DCC: variants seen among roughly 807,000 people sequenced by gnomAD.
The protein encoded by DCC is DCC netrin 1 receptor, also known as netrin receptor DCC.
A neutral mutation model predicts 172.5 loss-of-function variants in DCC; 58 were observed. The ratio of observed to expected loss-of-function variants is 0.34; its 90% CI spans 0.27 to 0.42. DCC has a LOEUF of 0.42. Ranked by LOEUF, DCC falls within the 10% of genes least tolerant of loss-of-function variation. The probability of loss-of-function intolerance (pLI) is 1.00; values close to 1 mark genes in which losing one functional copy is unlikely to be tolerated. For missense variants in DCC, 1,740 were observed against 1,791.0 expected, an observed-to-expected ratio of 0.97 and a Z score of 0.51; for synonymous variants, 709 against 644.5, an observed-to-expected ratio of 1.10 and a Z score of -1.52.
At chr18:53,321,988 A>C in intron 13 of DCC, 59 bp from the exon 14 acceptor site, 1 of 912,654 alleles carries the variant, frequency 1.1e-6, no homozygotes, top group Non-Finnish European at 1.9e-6. Context: ...TTGGAAACCC[A>C]GGTAGGAATA....
intron 7 of DCC, among the ~76,000 whole-genome samples, chr18:53,140,881 A>G (rs2043819692): frequency 6.6e-6 from 1 of 152,162 alleles, no homozygotes; most frequent in Non-Finnish European, 1.5e-5. Context: ...AAATTGTAGT[A>G]TCCTTCACCC....
At chr18:53,322,822 G>A (rs1472870982) in intron 14 of DCC, among the ~76,000 whole-genome samples, 1 of 151,714 alleles carries the variant, frequency 6.6e-6, no homozygotes, top group Non-Finnish European at 1.5e-5. Context: ...AATGGGTAAT[G>A]AAGTGACAGA....
intron 1 of DCC, among the ~76,000 whole-genome samples, chr18:52,621,654 C>G (rs2034482693): frequency 1.3e-5 from 2 of 152,180 alleles, no homozygotes; most frequent in Admixed American, 6.5e-5. Flanking sequence ...AGGACACTCA[C>G]TGTAGCACAC....
intron 1 of DCC, among the ~76,000 whole-genome samples, chr18:52,710,966 G>A (rs549272710): frequency 1.3e-5 from 2 of 152,296 alleles, no homozygotes; most frequent in Admixed American, 1.3e-4. Context: ...ACAGAGGAGA[G>A]AGTTGGTCTC....
intron 7 of DCC, among the ~76,000 whole-genome samples, chr18:53,091,045 T>C (rs866535252): frequency 6.6e-6 from 1 of 152,004 alleles, no homozygotes; most frequent in Non-Finnish European, 1.5e-5. Context: ...GCTGAACCAG[T>C]AATCGATTTC....
intron 22 of DCC, among the ~76,000 whole-genome samples, chr18:53,445,470 T>C (rs1912540741): frequency 6.6e-6 from 1 of 152,214 alleles, no homozygotes; most frequent in Non-Finnish European, 1.5e-5. Context: ...ATTACAGCCA[T>C]TGTGCCAAGG....
intron 7 of DCC, among the ~76,000 whole-genome samples, chr18:53,086,022 C>CTTATTATTATTATTATTATTAT (rs1568294253): frequency 1.2e-3 from 1 of 866 alleles, no homozygotes; most frequent in Non-Finnish European, 2.5e-3. Flanking sequence ...CCTTCTCCCT[C>CTTATTATTATTATTATTATTAT]TCCCTCTCCC....
Position 52,617,265 on chromosome 18 carries a change from G to T in DCC, c.92-134789G>T, listed in dbSNP as rs571381633. 2.4e-4 allele frequency among the ~76,000 whole-genome samples: 37 copies of T among 152,198 alleles called. No individual in the cohort carries two copies. In the South Asian group the frequency reaches 6.4e-3, roughly 26 times the overall value. On this transcript the variant is annotated intron_variant, in intron 1 of 28. Transcript: ENST00000442544. ...TTAAAAACAAAATAAAACTTAAAAG[G>T]CAGGGGGATGGGCAAAGAGATAGAG...
chr18:52,470,601 A>T (rs1356652320), intron 1 of DCC, among the ~76,000 whole-genome samples: 1 of 152,094 alleles, frequency 6.6e-6, no homozygotes, highest in Non-Finnish European at 1.5e-5. Flanking sequence ...ATTTTATTTG[A>T]GGGGTTTCTA....
chr18:53,276,741 C>T (rs1194364974), intron 12 of DCC, among the ~76,000 whole-genome samples: 1 of 151,986 alleles, frequency 6.6e-6, no homozygotes, highest in Non-Finnish European at 1.5e-5. Context: ...GAAGAAAGAG[C>T]CAAAATTGAC....
intron 1 of DCC, among the ~76,000 whole-genome samples, chr18:52,578,422 T>C (rs1481310973): frequency 2.0e-5 from 3 of 152,226 alleles, no homozygotes; most frequent in Non-Finnish European, 2.9e-5. Context: ...GATGATACAT[T>C]TTATGGATTT....
At chr18:53,025,772 G>C (rs991829721) in intron 5 of DCC, among the ~76,000 whole-genome samples, 1 of 146,746 alleles carries the variant, frequency 6.8e-6, no homozygotes, top group African/African-American at 2.5e-5. Flanking sequence ...GAGAATGGCA[G>C]ATTTAATGGG....
intron 13 of DCC, among the ~76,000 whole-genome samples, chr18:53,311,625 T>A (rs1187588271): frequency 6.6e-6 from 1 of 152,222 alleles, no homozygotes; most frequent in Non-Finnish European, 1.5e-5. Context: ...AAAAGATAAT[T>A]AACATTAAAA....
chr18:52,996,219 C>T (rs2145631100), intron 5 of DCC, among the ~76,000 whole-genome samples: 1 of 151,870 alleles, frequency 6.6e-6, no homozygotes, highest in South Asian at 2.1e-4. Flanking sequence ...TATTTTAAAT[C>T]TTCACTTTAA....
intron 20 of DCC, among the ~76,000 whole-genome samples, chr18:53,410,908 G>T (rs1909943924): frequency 6.6e-6 from 1 of 151,946 alleles, no homozygotes; most frequent in South Asian, 2.1e-4. Flanking sequence ...CATGTATATT[G>T]GTTCTATTCA....
chr18:53,343,598 A>G (rs1416138687), intron 15 of DCC, among the ~76,000 whole-genome samples: 1 of 151,838 alleles, frequency 6.6e-6, no homozygotes, highest in African/African-American at 2.4e-5. Flanking sequence ...AGTAGGTTAT[A>G]TATTTGTCTA....
intron 12 of DCC, among the ~76,000 whole-genome samples, chr18:53,217,463 C>T (rs1007401713): frequency 4.6e-5 from 7 of 152,170 alleles, no homozygotes; most frequent in South Asian, 4.1e-4. Flanking sequence ...ATTGTTCATT[C>T]GCTTTTCAGA....
At chr18:52,349,027 T>C (rs1020030640) in intron 1 of DCC, among the ~76,000 whole-genome samples, 2 of 152,184 alleles carry the variant, frequency 1.3e-5, no homozygotes, top group African/African-American at 4.8e-5. Context: ...AGAGTAGTAA[T>C]GGTAGACACC....
chr18:53,533,358 C>G lies in DCC; in HGVS notation c.*2705C>G, dbSNP rs1437430443. On this transcript the variant is annotated 3_prime_UTR_variant, in exon 29 of 29. Coordinates refer to ENST00000442544, the MANE Select transcript of DCC (RefSeq NM_005215.4). ...TTCCCATTGGGTGATACCTGACAGC[C>G]AACCAGCCGCTCTGCCACCAGAACT... 2 of 152,138 alleles carry G rather than the reference C, an allele frequency of 1.3e-5. No individual in the cohort carries two copies. The highest frequency in any genetic ancestry group is 1.3e-4 in the Admixed American group (2 of 15,264). 9.4% of individuals were successfully genotyped at this position (152,138 alleles called of 1,614,324 possible).
Sources: allele counts gnomAD v4.1 joint callset (sites outside exome capture counted in the v4.1 genomes callset), GRCh38; gene constraint gnomAD v4.1.1; transcripts MANE v1.5; gene names NCBI Gene and HGNC (gene_info 2026-07-23, HGNC 2026-07-21).